Variants in TTN observed in about 807,000 individuals in gnomAD.
The protein encoded by TTN is titin.
A neutral mutation model predicts 3,223.0 loss-of-function variants in TTN; 1,525 were observed. That is an observed-to-expected ratio of 0.47 (90% CI 0.45 to 0.49). The LOEUF is 0.49. Among genes scored for constraint, TTN ranks in the 20% least tolerant of loss-of-function variants. TTN has a pLI of 0.00. For missense variants in TTN, 40,786 were observed against 43,424.0 expected (o/e 0.94, Z 5.40); for synonymous variants, 14,094 against 15,161.0 (o/e 0.93, Z 5.17).
rs1451115384 is a variant in TTN, at chr2:178,562,119, C to G, written c.84013G>C (p.Glu28005Gln). The change falls in exon 326 of 363, where the codon GAG becomes CAG. Residue 28005 changes from glutamate to glutamine, a missense_variant. Transcript: ENST00000589042. ...NWRKDGQTLK[E>Q]TTRVNVSSSK... ...GAAGAAACATTGACTCTAGTTGTCT[C>G]TTTAAGAGTCTGACCATCTTTTCTC... 1 of 1,613,210 alleles carries G rather than the reference C, an allele frequency of 6.2e-7. No homozygotes were observed. Among genetic ancestry groups the G allele is most frequent in the Non-Finnish European group, 8.5e-7 (1 of 1,179,558 alleles).
chr2:178,541,106 C>G, intron 350 of TTN, 176 bp downstream of exon 350: 1 of 564,410 alleles, frequency 1.8e-6, no homozygotes, highest in Non-Finnish European at 2.7e-6. Context: ...GGACTGATTA[C>G]AAACGGACAC....
chr2:178,585,405 G>C, intron 308 of TTN, 58 bp from the exon 309 acceptor site: 4 of 1,517,052 alleles, frequency 2.6e-6, no homozygotes, highest in Non-Finnish European at 3.5e-6. Context: ...TCTTCTGGTG[G>C]AGAGCTATAC....
chr2:178,702,229 G>C lies in TTN; in HGVS notation c.30450C>G (p.Ile10150Met), dbSNP rs761922521. Residue 10150 changes from isoleucine to methionine, a missense_variant, in exon 108 of 363, where the codon ATC (isoleucine) becomes ATG (methionine). Physicochemically the swap from Ile to Met is conservative, Grantham distance 10 (BLOSUM62 1). Transcript: ENST00000589042. Reference protein sequence around the residue: ...TPDDEGVYSVIARLEPRGEAR... With the variant: ...TPDDEGVYSVMARLEPRGEAR... ...CTTCACCTCTTGGCTCCAGCCGAGC[G>C]ATGACCGAGTAGACACCTAGGGTGA... The C allele has an allele frequency of 6.2e-7, 1 of 1,613,952 alleles. No individual in the cohort carries two copies. Among genetic ancestry groups the C allele is most frequent in the South Asian group, 1.1e-5 (1 of 91,084 alleles).
At chr2:178,779,720 A>G (rs1018885762) in intron 22 of TTN, 1 of 533,598 alleles carries the variant, frequency 1.9e-6, no homozygotes, top group African/African-American at 1.9e-5. Flanking sequence ...AGATGAAGAG[A>G]TCTTGGCATG....
chr2:178,732,392 G>T (rs558358424), intron 56 of TTN, 45 bp from the exon 57 acceptor site: 2 of 1,575,214 alleles, frequency 1.3e-6, no homozygotes, highest in Non-Finnish European at 1.7e-6. Flanking sequence ...AAAGAGGAAA[G>T]AATTTATAAC....
chr2:178,615,823 C>CA, intron 257 of TTN, 35 bp from the exon 258 acceptor site: 1 of 1,573,100 alleles, frequency 6.4e-7, no homozygotes, highest in Non-Finnish European at 8.6e-7. Context: ...CAGTTATTTC[C>CA]AAAAAACCCT....
At chr2:178,738,473 G>T in intron 48 of TTN, 113 bp from the exon 49 acceptor site, 1 of 1,296,276 alleles carries the variant, frequency 7.7e-7, no homozygotes, top group Non-Finnish European at 1.0e-6. Flanking sequence ...AAATTGGTGA[G>T]ATGGATTACA....
intron 269 of TTN, 30 bp from the exon 270 acceptor site, chr2:178,611,301 A>G: frequency 6.2e-7 from 1 of 1,610,852 alleles, no homozygotes; most frequent in Non-Finnish European, 8.5e-7. Context: ...AGAGCAAAAA[A>G]CAGAGTATGT....
chr2:178,539,914 C>T lies in TTN; in HGVS notation c.98151G>A (p.Arg32717=), dbSNP rs757402291. ...DERYQEGIFV[R]QGGVIRLTIP... ...TGGTAAGTCTGATGACGCCACCTTG[C>T]CTTACAAAGATACCTTCTTGGTATC... The change falls in exon 352 of 363, where the codon AGG becomes AGA. Residue 32717 remains arginine, a synonymous_variant. Coordinates refer to ENST00000589042, the MANE Select transcript of TTN (RefSeq NM_001267550.2). 6.8e-6 allele frequency: 11 copies of T among 1,613,750 alleles called. No individual in the cohort carries two copies. The highest frequency in any genetic ancestry group is 9.3e-6 in the Non-Finnish European group (11 of 1,179,756).
Position 178,550,049 on chromosome 2 carries a change from A to G in TTN, c.91789T>C (p.Tyr30597His). 2 of 1,613,772 alleles carry G rather than the reference A, an allele frequency of 1.2e-6. No individual in the cohort carries two copies. The highest frequency in any genetic ancestry group is 1.7e-5 in the Admixed American group (1 of 60,006). The change falls in exon 337 of 363, where the codon TAC becomes CAC. Residue 30597 changes from tyrosine to histidine, a missense_variant. Physicochemically the swap from Tyr to His is moderately conservative, Grantham distance 83. Transcript: ENST00000589042. ...RDATRDHRGV[Y>H]TVEAKNASGS... ...GATGCATTTTTGGCTTCCACTGTGT[A>G]TACACCACGATGGTCCCGAGTAGCA...
intron 239 of TTN, 64 bp from the exon 240 acceptor site, chr2:178,629,507 G>A: frequency 1.2e-6 from 2 of 1,601,014 alleles, no homozygotes; most frequent in Non-Finnish European, 1.7e-6. Flanking sequence ...AATAAATAGA[G>A]ACTTAGATAT....
At chr2:178,788,130 T>C (rs1219054611) in intron 13 of TTN, among the ~76,000 whole-genome samples, 1 of 152,002 alleles carries the variant, frequency 6.6e-6, no homozygotes, top group Non-Finnish European at 1.5e-5. Flanking sequence ...GTTATGAGAG[T>C]TGATGATGAA....
At chr2:178,792,886 C>T (rs1288968022) in intron 9 of TTN, among the ~76,000 whole-genome samples, 2 of 152,212 alleles carry the variant, frequency 1.3e-5, no homozygotes, top group Non-Finnish European at 2.9e-5. Context: ...CCAATCTGTC[C>T]CCAAATGCCG....
At chr2:178,718,281 AAAAG>A in intron 85 of TTN, 37 bp downstream of exon 85, 1 of 1,598,802 alleles carries the variant, frequency 6.3e-7, no homozygotes, top group Non-Finnish European at 8.5e-7. Context: ...AGGATGTTTG[AAAAG>A]AAAGAGAGCA....
rs762792759 is a variant in TTN, at chr2:178,616,651, G to GAGTC, written c.48161-25_48161-22dup. 4 of 1,611,694 alleles carry GAGTC rather than the reference G, an allele frequency of 2.5e-6. No individual in the cohort carries two copies. In the East Asian group the frequency reaches 9.0e-5, roughly 36 times the overall value. ...GCGAGCTGAAAAAAAATGCACTCAC[G>GAGTC]AGTCACTGTTAATAGTCTGAACTAA... On this transcript the variant is annotated intron_variant, in intron 256 of 362. Transcript: ENST00000589042.
Position 178,727,097 on chromosome 2 carries a change from T to C in TTN, c.20268A>G (p.Ile6756Met). ...CAAGAACAAGATGTCTACCTTTTAC[T>C]ATAACCTTGGTACTGCAGCTTGTGC... ...AGSTSCSTKVIVKEPPVFSSF... is the reference protein window; with the variant it reads ...AGSTSCSTKVMVKEPPVFSSF... The change falls in exon 69 of 363, where the codon ATA becomes ATG. Residue 6756 changes from isoleucine to methionine, a missense_variant. Ile to Met is a conservative substitution (Grantham distance 10). Coordinates refer to ENST00000589042, the MANE Select transcript of TTN (RefSeq NM_001267550.2). The C allele has an allele frequency of 6.5e-7, 1 of 1,535,930 alleles. No individual in the cohort carries two copies. Among genetic ancestry groups the C allele is most frequent in the Non-Finnish European group, 8.8e-7 (1 of 1,137,876 alleles).
rs548726318 is a variant in TTN, at chr2:178,740,749, A to G, written c.12484T>C (p.Ser4162Pro). 14 of 1,613,684 alleles carry G rather than the reference A, an allele frequency of 8.7e-6. 1 individual carries two copies. In the East Asian group the frequency reaches 2.7e-4, roughly 31 times the overall value. Residue 4162 changes from serine (S) to proline (P), a missense_variant, in exon 48 of 363, where the codon TCC becomes CCC. Physicochemically the swap from Ser to Pro is moderately conservative, Grantham distance 74. Transcript: ENST00000589042. The stretch of plus-strand genomic sequence containing the variant: ...TCAGGCATTAGAATACCTTCTTTGG[A>G]GAAGGTTTTCTGGGACTGTACAATC... ...LQIVQSQKTF[S>P]KEGILMPEEP...
At position 178,756,428 on chromosome 2, in the gene TTN, A is replaced by G. The variant is rs2154334861; in HGVS notation, c.11048T>C (p.Leu3683Ser). The G allele has an allele frequency of 6.2e-7, 1 of 1,613,842 alleles. No homozygotes were observed. The highest frequency in any genetic ancestry group is 8.5e-7 in the Non-Finnish European group (1 of 1,179,822). Residue 3683 changes from leucine (L) to serine (S), a missense_variant, in exon 46 of 363, where the codon TTA (leucine) becomes TCA (serine). Leu to Ser is a moderately radical substitution (Grantham distance 145). Transcript: ENST00000589042. ...CGDTAQFLCV[L>S]KDDSFIDVTW... ...TACATCAATGAAAGAATCATCTTTT[A>G]AAACACAGAGGAATTGAGCCGTGTC...
At position 178,533,311 on chromosome 2, in the gene TTN, C is replaced by T. The variant is rs1309913813; in HGVS notation, c.103304G>A (p.Arg34435Lys). 1 of 1,613,886 alleles carries T rather than the reference C, an allele frequency of 6.2e-7. No individual in the cohort carries two copies. The highest frequency in any genetic ancestry group is 8.5e-7 in the Non-Finnish European group (1 of 1,179,862). Reference sequence around the variant, plus strand: ...CCCAGCTGTGTTAGTGGCTGTGACTCTATAATAACCCGTGTCTTCAGGCAA... The same window carrying T: ...CCCAGCTGTGTTAGTGGCTGTGACTTTATAATAACCCGTGTCTTCAGGCAA... ...DTLPEDTGYY[R>K]VTATNTAGST... Residue 34435 changes from arginine to lysine, a missense_variant, in exon 358 of 363, where the codon AGA (arginine) becomes AAA (lysine). Coordinates refer to ENST00000589042, the MANE Select transcript of TTN (RefSeq NM_001267550.2).
Sources: gnomAD v4.1 joint callset for allele counts (sites outside exome capture counted in the v4.1 genomes callset) on GRCh38, gnomAD v4.1.1 for gene constraint, MANE v1.5 for transcripts, NCBI Gene and HGNC (gene_info 2026-07-23, HGNC 2026-07-21) for gene names.